Variants in RABL3 observed in about 807,000 individuals in gnomAD.
RABL3 encodes RAB, member of RAS oncogene family like 3.
In RABL3, 31 loss-of-function variants were observed where a neutral mutation model predicts 31.8. The ratio of observed to expected loss-of-function variants is 0.97; its 90% CI spans 0.73 to 1.31. The LOEUF (loss-of-function observed/expected upper bound fraction) is 1.31. Ranked by LOEUF, RABL3 falls within the 40% of genes most tolerant of loss-of-function variation. The pLI is 0.00. For missense variants in RABL3, 263 were observed against 279.6 expected, an observed-to-expected ratio of 0.94 and a Z score of 0.42; for synonymous variants, 97 against 99.9, an observed-to-expected ratio of 0.97 and a Z score of 0.18.
intron 2 of RABL3, 36 bp downstream of exon 2, chr3:120,730,660 A>C: frequency 7.5e-7 from 1 of 1,324,580 alleles, no homozygotes; most frequent in South Asian, 1.2e-5. Context: ...TATCTTTAGT[A>C]CATTATTGAA....
rs766264897 is a variant in RABL3 at position 120,698,580 on chromosome 3, T to C, written c.384-7A>G. On this transcript the variant is annotated splice_polypyrimidine_tract_variant and splice_region_variant and intron_variant, in intron 4 of 7. Coordinates refer to ENST00000273375, the MANE Select transcript of RABL3 (RefSeq NM_173825.5). ...CTGTTCTTGATCATAATCCCTGTGATAAATAATAATGAAGAGGTGAATAGA... is the reference window on the plus strand; with the variant it reads ...CTGTTCTTGATCATAATCCCTGTGACAAATAATAATGAAGAGGTGAATAGA... 4 of 1,604,174 alleles carry C rather than the reference T, an allele frequency of 2.5e-6. No homozygotes were observed. In the South Asian group the frequency reaches 3.3e-5, roughly 13 times the overall value.
At chr3:120,737,277 T>A (rs1486846540) in intron 1 of RABL3, among the ~76,000 whole-genome samples, 1 of 152,246 alleles carries the variant, frequency 6.6e-6, no homozygotes, top group Non-Finnish European at 1.5e-5. Flanking sequence ...ATACATTTGA[T>A]CTTCCATCAC....
chr3:120,697,673 G>A (rs1011510186), intron 5 of RABL3, among the ~76,000 whole-genome samples: 1 of 152,148 alleles, frequency 6.6e-6, no homozygotes, highest in African/African-American at 2.4e-5. Flanking sequence ...ATATGCATAA[G>A]TGTACATAAA....
intron 1 of RABL3, among the ~76,000 whole-genome samples, chr3:120,738,312 T>C (rs1258929050): frequency 1.3e-5 from 2 of 152,220 alleles, no homozygotes; most frequent in African/African-American, 2.4e-5. Context: ...AGGTCAGAGA[T>C]ATAATCTCCT....
chr3:120,713,590 T>C (rs1708635354), intron 2 of RABL3, among the ~76,000 whole-genome samples: 1 of 152,150 alleles, frequency 6.6e-6, no homozygotes, highest in South Asian at 2.1e-4. Context: ...CTTAAAGTCA[T>C]TACAGACCTT....
At chr3:120,715,575 C>T (rs1218302996) in intron 2 of RABL3, among the ~76,000 whole-genome samples, 2 of 151,822 alleles carry the variant, frequency 1.3e-5, no homozygotes, top group Non-Finnish European at 2.9e-5. Context: ...AAAGAAAGAA[C>T]GAAATGTCCA....
At chr3:120,742,622 A>G (rs1709062678), upstream of RABL3, 2 of 1,051,764 alleles carry the variant, frequency 1.9e-6, no homozygotes, top group South Asian at 1.3e-5. Context: ...GACTGTCTTG[A>G]TCGAAGGTTT....
chr3:120,696,592 A>AACACAC (rs3037698), intron 5 of RABL3, among the ~76,000 whole-genome samples: 127 of 147,560 alleles, frequency 8.6e-4, no homozygotes, highest in African/African-American at 4.8e-4. Flanking sequence ...AAGTAGGAAT[A>AACACAC]ACACACACAC....
rs1001026238 is a variant in RABL3 at position 120,687,859 on chromosome 3, C to A, written c.*1964G>T. 6.6e-6 allele frequency: 1 copy of A among 151,828 alleles called. No homozygotes were observed. The highest frequency in any genetic ancestry group is 1.5e-5 in the Non-Finnish European group (1 of 67,994). The allele number at this position is 151,828 out of a possible 1,614,324, so 9.4% of individuals were successfully genotyped here. ...TCACCTAGGCTGGAGTGCAGTGACACGATCTTGACTCACTGCAACCTCCAC... is the reference window on the plus strand; with the variant it reads ...TCACCTAGGCTGGAGTGCAGTGACAAGATCTTGACTCACTGCAACCTCCAC... On this transcript the variant is annotated 3_prime_UTR_variant, in exon 8 of 8. Coordinates refer to ENST00000273375, the MANE Select transcript of RABL3 (RefSeq NM_173825.5).
At chr3:120,732,892 T>C (rs1303447554) in intron 1 of RABL3, among the ~76,000 whole-genome samples, 3 of 152,202 alleles carry the variant, frequency 2.0e-5, no homozygotes, top group Non-Finnish European at 4.4e-5. Context: ...GGACATGAAC[T>C]CATCATTTTT....
At chr3:120,709,972 T>C in intron 2 of RABL3, 63 bp from the exon 3 acceptor site, 1 of 1,254,208 alleles carries the variant, frequency 8.0e-7, no homozygotes, top group East Asian at 2.4e-5. Flanking sequence ...AGTACCCTTA[T>C]TCCGGTTTAA....
intron 2 of RABL3, among the ~76,000 whole-genome samples, chr3:120,721,228 A>T (rs1054603914): frequency 6.6e-6 from 1 of 152,360 alleles, no homozygotes; most frequent in East Asian, 1.9e-4. Flanking sequence ...CCACTGCAAA[A>T]ACATGCCAAA....
intron 3 of RABL3, among the ~76,000 whole-genome samples, chr3:120,708,483 AC>A (rs1323472972): frequency 6.6e-6 from 1 of 151,984 alleles, no homozygotes; most frequent in East Asian, 1.9e-4. Context: ...TCTCAAAAAT[AC>A]CTAAATATCA....
rs138560977 is a variant in RABL3, at chr3:120,709,753, T to C, written c.268+27A>G. On this transcript the variant is annotated intron_variant, in intron 3 of 7. Coordinates refer to ENST00000273375, the MANE Select transcript of RABL3 (RefSeq NM_173825.5). Reference sequence around the variant, plus strand: ...GATCTATACTCTTAGACCATTAATATAAGATAGAAATTTAAAAATGTTTTA... The same window carrying C: ...GATCTATACTCTTAGACCATTAATACAAGATAGAAATTTAAAAATGTTTTA... 8.7e-4 allele frequency: 1,354 copies of C among 1,549,808 alleles called. 2 individuals carry two copies. The highest frequency in any genetic ancestry group is 1.1e-3 in the Non-Finnish European group (1,232 of 1,128,162).
At chr3:120,702,784 C>A (rs1484628467) in intron 4 of RABL3, among the ~76,000 whole-genome samples, 3 of 152,124 alleles carry the variant, frequency 2.0e-5, no homozygotes. Flanking sequence ...GTCTCGATCT[C>A]CTGACCTCAT....
intron 3 of RABL3, among the ~76,000 whole-genome samples, chr3:120,707,306 T>G (rs1708560251): frequency 6.6e-6 from 1 of 152,108 alleles, no homozygotes; most frequent in Non-Finnish European, 1.5e-5. Flanking sequence ...AATATCCAAT[T>G]GTACCCACTC....
chr3:120,725,253 T>C (rs932930615), intron 2 of RABL3, among the ~76,000 whole-genome samples: 4 of 152,164 alleles, frequency 2.6e-5, no homozygotes, highest in African/African-American at 9.7e-5. Flanking sequence ...TGAGATACCA[T>C]TTCACTCCAA....
intron 2 of RABL3, among the ~76,000 whole-genome samples, chr3:120,730,476 G>C (rs1463244277): frequency 6.6e-6 from 1 of 151,528 alleles, no homozygotes; most frequent in Non-Finnish European, 1.5e-5. Flanking sequence ...TTCAAATCTT[G>C]ACTCTGCCTT....
intron 2 of RABL3, among the ~76,000 whole-genome samples, chr3:120,712,032 T>TA (rs1186961780): frequency 1.3e-5 from 2 of 152,178 alleles, no homozygotes; most frequent in Admixed American, 6.5e-5. Context: ...ACATAATAAT[T>TA]AAAAAAACAA....
Sources: gnomAD v4.1 joint callset for allele counts (sites outside exome capture counted in the v4.1 genomes callset) on GRCh38, gnomAD v4.1.1 for gene constraint, MANE v1.5 for transcripts, NCBI Gene and HGNC (gene_info 2026-07-23, HGNC 2026-07-21) for gene names.